Variants in PCDH11X observed in about 807,000 individuals in gnomAD.
The protein encoded by PCDH11X is protocadherin-11 X-linked.
PCDH11X carries 18 observed loss-of-function variants against 53.3 expected under a neutral mutation model. That is an observed-to-expected ratio of 0.34 (90% CI 0.23 to 0.50). PCDH11X has a LOEUF of 0.50. Ranked by LOEUF, PCDH11X falls within the 20% of genes least tolerant of loss-of-function variation. The pLI, the probability that PCDH11X is intolerant of heterozygous loss-of-function variation, is 0.98. For missense variants in PCDH11X, 570 were observed against 1,032.4 expected (o/e 0.55, Z 6.14); for synonymous variants, 279 against 393.3 (o/e 0.71, Z 3.44).
chrX:91,790,183 T>G (rs1376908040), intron 1 of PCDH11X, among the ~76,000 whole-genome samples: 1 of 111,810 alleles, frequency 8.9e-6, no homozygotes, highest in East Asian at 2.8e-4. Context: ...GAGGTTAAAT[T>G]TGATTTTAAC....
At chrX:92,464,846 G>A (rs1484523974) in intron 9 of PCDH11X, among the ~76,000 whole-genome samples, 1 of 109,153 alleles carries the variant, frequency 9.2e-6, no homozygotes, top group Non-Finnish European at 1.9e-5. Flanking sequence ...AAGAGGTATT[G>A]GTTTATTAAT....
At chrX:92,293,515 T>A (rs1205061783) in intron 8 of PCDH11X, among the ~76,000 whole-genome samples, 20 of 108,106 alleles carry the variant, frequency 1.9e-4, no homozygotes, top group Non-Finnish European at 3.4e-4. Flanking sequence ...TCCCAGCTAC[T>A]CGGGAGGCTG....
intron 10 of PCDH11X, among the ~76,000 whole-genome samples, chrX:92,612,600 T>C (rs1471460465): frequency 2.8e-5 from 3 of 105,772 alleles, no homozygotes; most frequent in Non-Finnish European, 5.8e-5. Context: ...TACATGTATA[T>C]TGGGTAGAGT....
At chrX:92,460,524 T>C in intron 9 of PCDH11X, 2 of 711,441 alleles carry the variant, frequency 2.8e-6, no homozygotes, top group Non-Finnish European at 4.4e-6. Flanking sequence ...TCCGCCGAGG[T>C]TGGAGCTGCT....
intron 10 of PCDH11X, among the ~76,000 whole-genome samples, chrX:92,537,836 A>G (rs183147407): frequency 1.2e-3 from 127 of 109,556 alleles, no homozygotes; most frequent in African/African-American, 4.1e-3. Context: ...TGATTTTTGT[A>G]TATTGATTTT....
chrX:91,809,953 T>G (rs1936245040), intron 2 of PCDH11X, among the ~76,000 whole-genome samples: 1 of 111,022 alleles, frequency 9.0e-6, no homozygotes, highest in Admixed American at 9.6e-5. Context: ...CAATTACCCC[T>G]CAAAGTTGAA....
chrX:92,275,176 C>A (rs915802382), intron 8 of PCDH11X, among the ~76,000 whole-genome samples: 9 of 103,101 alleles, frequency 8.7e-5, no homozygotes, highest in Non-Finnish European at 1.4e-4. Context: ...GAGGGCTAGG[C>A]TAAAACAGTA....
chrX:91,993,200 A>G (rs1431561798), intron 6 of PCDH11X, among the ~76,000 whole-genome samples: 1 of 112,792 alleles, frequency 8.9e-6, no homozygotes, highest in Non-Finnish European at 1.9e-5. Flanking sequence ...TCTGTGTGCA[A>G]AGAAGAACAT....
intron 1 of PCDH11X, among the ~76,000 whole-genome samples, chrX:91,806,124 A>G (rs754186402): frequency 1.8e-5 from 2 of 113,675 alleles, no homozygotes; most frequent in Non-Finnish European, 3.8e-5. Flanking sequence ...TCTATTTATA[A>G]TGAATATTTT....
At chrX:92,279,791 A>G (rs1156684179) in intron 8 of PCDH11X, among the ~76,000 whole-genome samples, 3 of 112,139 alleles carry the variant, frequency 2.7e-5, no homozygotes, top group Non-Finnish European at 3.8e-5. Context: ...AAGGTCCAAA[A>G]TATTGACATT....
At chrX:91,801,179 CAAAAAA>C (rs72093084) in intron 1 of PCDH11X, among the ~76,000 whole-genome samples, 1 of 31,951 alleles carries the variant, frequency 3.1e-5, no homozygotes. Context: ...GACCCTGCCT[CAAAAAA>C]AAAAAAAAAA....
chrX:92,177,856 GATAA>G (rs934066414), intron 6 of PCDH11X, among the ~76,000 whole-genome samples: 15 of 110,319 alleles, frequency 1.4e-4, no homozygotes, highest in Admixed American at 4.9e-4. Flanking sequence ...ATATATTAAT[GATAA>G]ATTATATTAT....
intron 10 of PCDH11X, among the ~76,000 whole-genome samples, chrX:92,526,170 A>G (rs1488872315): frequency 9.0e-6 from 1 of 111,452 alleles, no homozygotes; most frequent in African/African-American, 3.3e-5. Context: ...AACCTGCAAC[A>G]TAACATTTGG....
intron 7 of PCDH11X, among the ~76,000 whole-genome samples, chrX:92,237,256 C>T (rs1292695313): frequency 1.8e-5 from 2 of 110,121 alleles, no homozygotes; most frequent in Admixed American, 1.9e-4. Context: ...AAATGAAATC[C>T]ATAAAGATCA....
In PCDH11X at chrX:91,997,735, T is replaced by C. The variant is rs765273833; in HGVS notation, c.3033+118462T>C. On this transcript the variant is annotated intron_variant, in intron 6 of 10. Coordinates refer to ENST00000682573, the MANE Select transcript of PCDH11X (RefSeq NM_032968.5). ...GGGTATTGCTGGTCTCATAAAGTGG[T>C]TTTGGAGGTGTTCTCTCCTCTCTTC... Among the ~76,000 whole-genome samples, 369 of 111,173 alleles carry C rather than the reference T, an allele frequency of 3.3e-3. 1 individual carries two copies. Among genetic ancestry groups the C allele is most frequent in the African/African-American group, 0.012 (361 of 30,600 alleles).
At chrX:91,817,119 C>T (rs2524871) in intron 4 of PCDH11X, among the ~76,000 whole-genome samples, 1 of 111,108 alleles carries the variant, frequency 9.0e-6, no homozygotes, top group Admixed American at 9.7e-5. Context: ...AGATACAGTA[C>T]ATTTATTTAT....
At chrX:92,479,763 C>G (rs919725793) in intron 10 of PCDH11X, among the ~76,000 whole-genome samples, 5 of 105,907 alleles carry the variant, frequency 4.7e-5, no homozygotes, top group African/African-American at 1.7e-4. Flanking sequence ...TGACCTGACT[C>G]TTCTCTAGTT....
At chrX:91,958,459 G>A (rs2061738916) in intron 6 of PCDH11X, among the ~76,000 whole-genome samples, 1 of 111,173 alleles carries the variant, frequency 9.0e-6, no homozygotes, top group Admixed American at 9.6e-5. Context: ...CAGACCCAAG[G>A]CCCTGGTGGT....
rs770856549 is a variant in PCDH11X, at chrX:92,066,839, C to T, written c.3034-134536C>T. Among the ~76,000 whole-genome samples, 193 of 112,475 alleles carry T rather than the reference C, an allele frequency of 1.7e-3. 1 individual carries two copies. Among genetic ancestry groups the T allele is most frequent in the African/African-American group, 6.1e-3 (189 of 30,947 alleles). ...GGATGCCTTGCTGTGAGCAGTGGCT[C>T]AGGCCTGTAATCCCAGCACTTTGGG... On this transcript the variant is annotated intron_variant, in intron 6 of 10. Transcript: ENST00000682573.
Sources: gnomAD v4.1 joint callset for allele counts (sites outside exome capture counted in the v4.1 genomes callset) on GRCh38, gnomAD v4.1.1 for gene constraint, MANE v1.5 for transcripts, NCBI Gene and HGNC (gene_info 2026-07-23, HGNC 2026-07-21) for gene names.